The following PDS5B variants were observed in gnomAD, a reference collection of about 807,000 sequenced individuals.
The protein encoded by PDS5B is sister chromatid cohesion protein PDS5 homolog B.
A neutral mutation model predicts 184.1 loss-of-function variants in PDS5B; 51 were observed. The observed-to-expected ratio is 0.28, with a 90% confidence interval of 0.22 to 0.35. The LOEUF (loss-of-function observed/expected upper bound fraction) is 0.35. PDS5B is among the 10% of genes least tolerant of loss of function. The probability of loss-of-function intolerance (pLI) is 1.00; values close to 1 mark genes in which losing one functional copy is unlikely to be tolerated. For synonymous variants in PDS5B, 566 were observed against 569.2 expected (o/e 0.99, Z 0.08); for missense variants, 1,180 against 1,723.3 (o/e 0.68, Z 5.58).
intron 1 of PDS5B, among the ~76,000 whole-genome samples, chr13:32,640,398 C>T (rs1593312147): frequency 2.0e-5 from 3 of 152,258 alleles, no homozygotes. Flanking sequence ...AGGCATGCGC[C>T]ACCATGCCCA....
chr13:32,757,286 T>C (rs1954216675), intron 26 of PDS5B, among the ~76,000 whole-genome samples: 1 of 152,220 alleles, frequency 6.6e-6, no homozygotes, highest in African/African-American at 2.4e-5. Flanking sequence ...GTTATATTTC[T>C]AAGTAGCCCC....
In PDS5B at chr13:32,769,013, G is replaced by A. The variant is rs1207643; in HGVS notation, c.3625-1108G>A. Among the ~76,000 whole-genome samples the A allele has an allele frequency of 9.9e-3, 1,493 of 151,134 alleles. 9 individuals carry two copies. The highest frequency in any genetic ancestry group is 0.017 in the Non-Finnish European group (1,126 of 67,780). The stretch of plus-strand genomic sequence containing the variant: ...CAGACACCTGTAGTCCCAGCTACTC[G>A]GGAGAAGGCTGAGACAGGAGAATGG... On this transcript the variant is annotated intron_variant, in intron 31 of 34. Transcript: ENST00000315596.
chr13:32,729,169 T>C (rs1693506048), intron 19 of PDS5B, among the ~76,000 whole-genome samples: 1 of 152,082 alleles, frequency 6.6e-6, no homozygotes, highest in African/African-American at 2.4e-5. Flanking sequence ...ATTGTTCAAC[T>C]TCCACTTATG....
intron 24 of PDS5B, among the ~76,000 whole-genome samples, chr13:32,749,075 T>C (rs1384179481): frequency 1.3e-5 from 2 of 152,184 alleles, no homozygotes; most frequent in African/African-American, 4.8e-5. Context: ...CTGCACGTAT[T>C]TTACAACCTG....
intron 6 of PDS5B, among the ~76,000 whole-genome samples, chr13:32,664,556 A>G (rs556844788): frequency 2.0e-5 from 3 of 152,324 alleles, no homozygotes; most frequent in Non-Finnish European, 4.4e-5. Flanking sequence ...ATACTGATCA[A>G]TAATTCAATC....
intron 13 of PDS5B, 57 bp downstream of exon 13, chr13:32,688,626 A>T (rs776843502): frequency 1.3e-5 from 13 of 1,028,286 alleles, no homozygotes; most frequent in African/African-American, 4.7e-5. Context: ...ATTGGATTTT[A>T]TGGAAAAGAA....
intron 1 of PDS5B, among the ~76,000 whole-genome samples, chr13:32,627,290 A>G (rs2058384724): frequency 6.6e-6 from 1 of 152,230 alleles, no homozygotes; most frequent in Non-Finnish European, 1.5e-5. Flanking sequence ...TCTGTACAGT[A>G]ATTAAGCAGA....
chr13:32,758,473 A>G (rs1025601833), intron 27 of PDS5B, 61 bp from the exon 28 acceptor site: 88 of 1,470,628 alleles, frequency 6.0e-5, no homozygotes, highest in Admixed American at 1.7e-4. Flanking sequence ...AATTATTCCT[A>G]GTTTACAGAG....
chr13:32,718,236 C>T lies in PDS5B; in HGVS notation c.2123+8130C>T, dbSNP rs759076548. On this transcript the variant is annotated intron_variant, in intron 19 of 34. Coordinates refer to ENST00000315596, the MANE Select transcript of PDS5B (RefSeq NM_015032.4). ...CATGATCTCGGCTCACTGCAAGCTC[C>T]GCCTCCCGGGTTCACACCATTCTCC... is the stretch of plus-strand genomic sequence containing the variant. Among the ~76,000 whole-genome samples the T allele has an allele frequency of 3.3e-5, 5 of 151,934 alleles. No individual in the cohort carries two copies. In the South Asian group the frequency reaches 6.2e-4, roughly 19 times the overall value.
chr13:32,749,492 CATAATTTA>C (rs1409874078), intron 24 of PDS5B, among the ~76,000 whole-genome samples: 2 of 127,006 alleles, frequency 1.6e-5, no homozygotes, highest in Non-Finnish European at 3.7e-5. Flanking sequence ...TGAATTTTAA[CATAATTTA>C]ATAATTACTT....
At chr13:32,667,177 C>A (rs1950820578) in intron 6 of PDS5B, among the ~76,000 whole-genome samples, 1 of 152,068 alleles carries the variant, frequency 6.6e-6, no homozygotes, top group Non-Finnish European at 1.5e-5. Flanking sequence ...TTCCTTGTAT[C>A]ATTATCAAAG....
chr13:32,759,871 A>G (rs948025440), intron 29 of PDS5B, among the ~76,000 whole-genome samples, 181 bp downstream of exon 29: 5 of 152,220 alleles, frequency 3.3e-5, no homozygotes, highest in African/African-American at 1.2e-4. Flanking sequence ...ACACAAGCTG[A>G]AATACACAAA....
At chr13:32,633,513 CAGTG>C (rs2058490788) in intron 1 of PDS5B, among the ~76,000 whole-genome samples, 1 of 152,174 alleles carries the variant, frequency 6.6e-6, no homozygotes. Context: ...TAGATGTAAT[CAGTG>C]AGACTAGATT....
intron 23 of PDS5B, among the ~76,000 whole-genome samples, chr13:32,744,231 A>G (rs1463687854): frequency 6.6e-6 from 1 of 152,186 alleles, no homozygotes; most frequent in African/African-American, 2.4e-5. Flanking sequence ...AGTTTATGTA[A>G]GGATTATATG....
intron 19 of PDS5B, among the ~76,000 whole-genome samples, chr13:32,726,998 T>C (rs1341983573): frequency 6.6e-6 from 1 of 152,214 alleles, no homozygotes; most frequent in Non-Finnish European, 1.5e-5. Context: ...TGTTTGCTTT[T>C]ATATTGGTTG....
rs1445513726 is a variant in PDS5B, at chr13:32,589,099, C to T, written c.-20+2506C>T. Among the ~76,000 whole-genome samples, 4 of 152,112 alleles carry T rather than the reference C, an allele frequency of 2.6e-5. No individual in the cohort carries two copies. The East Asian group carries it at 7.7e-4, about 29-fold the overall frequency. On this transcript the variant is annotated intron_variant, in intron 1 of 34. Transcript: ENST00000315596. ...ATTGGAAAAGAATACATTTGTGTTTCCTCTGTTAGTGTTAAAGAGCAACAA... is the reference window on the plus strand; with the variant it reads ...ATTGGAAAAGAATACATTTGTGTTTTCTCTGTTAGTGTTAAAGAGCAACAA...
intron 2 of PDS5B, chr13:32,649,471 G>A (rs1950313639): frequency 6.6e-6 from 1 of 152,172 alleles, no homozygotes; most frequent in African/African-American, 2.4e-5. Context: ...AGTGTTCAAG[G>A]AGAATGTTAA....
intron 19 of PDS5B, among the ~76,000 whole-genome samples, chr13:32,714,392 T>C (rs1054752544): frequency 4.6e-5 from 7 of 152,216 alleles, no homozygotes; most frequent in Middle Eastern, 3.4e-3. Flanking sequence ...TTGGGCACCA[T>C]TGTCATTGAT....
chr13:32,630,023 G>GTAGGGGCCA (rs1182259140), intron 1 of PDS5B, among the ~76,000 whole-genome samples: 7 of 152,224 alleles, frequency 4.6e-5, no homozygotes, highest in Admixed American at 4.6e-4. Flanking sequence ...GAAAGTGAAT[G>GTAGGGGCCA]TAGGGGCCAA....
Sources: allele counts gnomAD v4.1 joint callset (sites outside exome capture counted in the v4.1 genomes callset), GRCh38; gene constraint gnomAD v4.1.1; transcripts MANE v1.5; gene names NCBI Gene and HGNC (gene_info 2026-07-23, HGNC 2026-07-21).